The following CCNY variants were observed in gnomAD, a reference collection of about 807,000 sequenced individuals.
CCNY encodes cyclin Y.
CCNY carries 19 observed loss-of-function variants against 42.8 expected under a neutral mutation model. The observed-to-expected ratio is 0.44, with a 90% CI of 0.31 to 0.65. The LOEUF (loss-of-function observed/expected upper bound fraction) is 0.65. CCNY is among the 30% of genes least tolerant of loss of function. The pLI is 0.07. For missense variants in CCNY, 370 were observed against 437.3 expected (o/e 0.85, Z 1.37); for synonymous variants, 165 against 162.7 (o/e 1.01, Z -0.11).
chr10:35,339,678 T>G (rs1207915422), intron 1 of CCNY, among the ~76,000 whole-genome samples: 1 of 152,224 alleles, frequency 6.6e-6, no homozygotes. Flanking sequence ...GTTAGTGTCT[T>G]TAAATCACAG....
chr10:35,486,887 G>T (rs1839799297), intron 2 of CCNY, among the ~76,000 whole-genome samples: 1 of 152,188 alleles, frequency 6.6e-6, no homozygotes, highest in Non-Finnish European at 1.5e-5. Flanking sequence ...CTCCTTGAGG[G>T]TTTCTTTGAT....
rs187246573 is a variant in CCNY at position 35,407,287 on chromosome 10, T to C, written c.154+70080T>C. On this transcript the variant is annotated intron_variant, in intron 1 of 9. Transcript: ENST00000374704. Reference sequence around the variant, plus strand: ...TGGGGAAGCAGAGGCTGAGGAAGAATTGGGACCTGGCTTGGCCTGGCAAGG... The same window carrying C: ...TGGGGAAGCAGAGGCTGAGGAAGAACTGGGACCTGGCTTGGCCTGGCAAGG... Among the ~76,000 whole-genome samples, 52 of 151,914 alleles carry C rather than the reference T, an allele frequency of 3.4e-4. 1 individual carries two copies. In the East Asian group the frequency reaches 9.7e-3, roughly 28 times the overall value.
chr10:35,471,175 T>C (rs1255380067), intron 1 of CCNY, among the ~76,000 whole-genome samples: 2 of 151,894 alleles, frequency 1.3e-5, no homozygotes, highest in Non-Finnish European at 2.9e-5. Flanking sequence ...TAGACCTAAG[T>C]GGACAGCCCA....
chr10:35,307,706 G>T (rs994821643), intron 3 of CCNY, among the ~76,000 whole-genome samples: 1 of 132,810 alleles, frequency 7.5e-6, no homozygotes, highest in Non-Finnish European at 1.6e-5. Flanking sequence ...GTGTATATAT[G>T]TATATATATA....
At chr10:35,516,688 T>TTTTTTTTC in intron 4 of CCNY, 65 bp downstream of exon 4, 1 of 823,344 alleles carries the variant, frequency 1.2e-6, no homozygotes, top group African/African-American at 2.0e-5. Context: ...TTTTTTTTTT[T>TTTTTTTTC]ACTTAACTGA....
intron 1 of CCNY, among the ~76,000 whole-genome samples, chr10:35,359,228 C>G (rs1836627424): frequency 6.6e-6 from 1 of 152,200 alleles, no homozygotes; most frequent in Admixed American, 6.5e-5. Flanking sequence ...CCTGTCCCCT[C>G]TGTGGGTCGA....
chr10:35,473,696 A>G (rs940963480), intron 1 of CCNY, among the ~76,000 whole-genome samples: 3 of 152,210 alleles, frequency 2.0e-5, no homozygotes, highest in African/African-American at 7.2e-5. Context: ...TATTTTGTCT[A>G]TAATCTCTAA....
At position 35,279,956 on chromosome 10, in the gene CCNY, T is replaced by C. The variant is rs12411542; in HGVS notation, c.-9+29330T>C. ...AATAAACTTGTTTCTACTCACTATT[T>C]CCAATTCCACAATCCCATTCTGCCA... On this transcript the variant is annotated intron_variant, in intron 3 of 11. Transcript: ENST00000374706. Among the ~76,000 whole-genome samples the C allele has an allele frequency of 5.8e-3, 884 of 152,336 alleles. 8 individuals are homozygous for C. The highest frequency in any genetic ancestry group is 0.016 in the Admixed American group (239 of 15,296).
At chr10:35,398,682 AAATGC>A (rs1050014208) in intron 1 of CCNY, among the ~76,000 whole-genome samples, 2 of 152,196 alleles carry the variant, frequency 1.3e-5, no homozygotes, top group African/African-American at 2.4e-5. Flanking sequence ...GCATTTTACA[AAATGC>A]TCACTAGTTT....
chr10:35,514,359 G>A lies in CCNY; in HGVS notation c.265-2164G>A, dbSNP rs114879866. Among the ~76,000 whole-genome samples, 504 of 152,310 alleles carry A rather than the reference G, an allele frequency of 3.3e-3. 4 individuals carry two copies. Among genetic ancestry groups the A allele is most frequent in the African/African-American group, 0.011 (476 of 41,584 alleles). ...TTAAAAGCTGGGTTGGCATCCCCCTGGGATCGAGGGCTTTGGCAGATCAGC... is the reference window on the plus strand; with the variant it reads ...TTAAAAGCTGGGTTGGCATCCCCCTAGGATCGAGGGCTTTGGCAGATCAGC... On this transcript the variant is annotated intron_variant, in intron 3 of 9. Coordinates refer to ENST00000374704, the MANE Select transcript of CCNY (RefSeq NM_145012.6).
intron 1 of CCNY, among the ~76,000 whole-genome samples, chr10:35,359,044 CTG>C (rs917941844): frequency 2.0e-5 from 3 of 152,238 alleles, no homozygotes; most frequent in African/African-American, 7.2e-5. Context: ...GACAAAGCAT[CTG>C]TGCTTCAGGC....
chr10:35,329,961 G>A (rs1835923586), intron 3 of CCNY, among the ~76,000 whole-genome samples: 1 of 152,180 alleles, frequency 6.6e-6, no homozygotes, highest in Non-Finnish European at 1.5e-5. Flanking sequence ...TAGCTGCAGT[G>A]CGTTTTGAGT....
At chr10:35,406,623 C>G (rs1837779589) in intron 1 of CCNY, among the ~76,000 whole-genome samples, 1 of 152,228 alleles carries the variant, frequency 6.6e-6, no homozygotes, top group African/African-American at 2.4e-5. Context: ...TCTCCCATGT[C>G]TACCTCTTTC....
chr10:35,542,752 G>A lies in CCNY; in HGVS notation c.580-10267G>A, dbSNP rs560562313. Among the ~76,000 whole-genome samples, 55 of 152,324 alleles carry A rather than the reference G, an allele frequency of 3.6e-4. 1 individual carries two copies. The South Asian group carries it at 9.7e-3, about 27-fold the overall frequency. On this transcript the variant is annotated intron_variant, in intron 7 of 9. Coordinates refer to ENST00000374704, the MANE Select transcript of CCNY (RefSeq NM_145012.6). ...AGTGACTGTGGAATCAATTGAGTCT[G>A]ACCCTGAAAGACTTCCTTTATGGGT...
At chr10:35,360,509 T>C (rs1836661060) in intron 1 of CCNY, among the ~76,000 whole-genome samples, 1 of 152,034 alleles carries the variant, frequency 6.6e-6, no homozygotes. Context: ...CTTGAGCTCC[T>C]GGGCTCCAGC....
intron 3 of CCNY, among the ~76,000 whole-genome samples, chr10:35,264,838 A>G (rs2095723517): frequency 6.6e-6 from 1 of 152,098 alleles, no homozygotes; most frequent in East Asian, 1.9e-4. Context: ...CAAGTTCGCC[A>G]GGCTGGTCTC....
chr10:35,501,181 A>G (rs1420603274), intron 2 of CCNY, among the ~76,000 whole-genome samples: 1 of 152,236 alleles, frequency 6.6e-6, no homozygotes, highest in African/African-American at 2.4e-5. Flanking sequence ...TTAAACTAAT[A>G]GATGCATATG....
intron 1 of CCNY, among the ~76,000 whole-genome samples, chr10:35,370,225 C>T (rs1836899873): frequency 2.0e-5 from 3 of 151,778 alleles, no homozygotes; most frequent in South Asian, 4.1e-4. Context: ...GATCTCGGCT[C>T]ACTGCAAGCT....
intron 3 of CCNY, among the ~76,000 whole-genome samples, chr10:35,258,712 C>T (rs888167796): frequency 1.3e-4 from 19 of 151,874 alleles, no homozygotes; most frequent in East Asian, 1.9e-4. Flanking sequence ...CCGAGGTGGG[C>T]GGATCATGAG....
Sources: gnomAD v4.1 joint callset for allele counts (sites outside exome capture counted in the v4.1 genomes callset) on GRCh38, gnomAD v4.1.1 for gene constraint, MANE v1.5 for transcripts, NCBI Gene and HGNC (gene_info 2026-07-23, HGNC 2026-07-21) for gene names.